POLR1C: variants seen among roughly 807,000 people sequenced by gnomAD.
The protein encoded by POLR1C is RNA polymerase I and III subunit C.
Under a neutral mutation model 38.3 loss-of-function variants are expected in POLR1C, and 42 were observed. The observed-to-expected ratio is 1.10, with a 90% confidence interval of 0.86 to 1.42. POLR1C has a LOEUF of 1.42. Ranked by LOEUF, POLR1C falls within the 40% of genes most tolerant of loss-of-function variation. The pLI is 0.00. For missense variants in POLR1C, 507 were observed against 450.5 expected (o/e 1.13, Z -1.14); for synonymous variants, 163 against 163.9 (o/e 0.99, Z 0.04).
In POLR1C at chr6:43,539,397, T is replaced by G; in HGVS notation, c.*4+10038T>G. 3.8e-6 allele frequency: 6 copies of G among 1,575,850 alleles called. No homozygotes were observed. The East Asian group carries it at 1.3e-4, about 35-fold the overall frequency. ...GGCATAATCTTCAAAACCTCATCCT[T>G]GAGAGAGGCCCCCAGGAAAAAGTCA... is the stretch of plus-strand genomic sequence containing the variant. On this transcript the variant is annotated intron_variant, in intron 9 of 10. Transcript: ENST00000607635.
chr6:43,521,712 G>C (rs935088036), downstream of POLR1C, among the ~76,000 whole-genome samples: 23 of 152,244 alleles, frequency 1.5e-4, no homozygotes, highest in African/African-American at 5.1e-4. Context: ...TGTATTTTTA[G>C]TAGAGACAGG....
At chr6:43,519,193 ATATT>A in intron 2 of POLR1C, 136 bp from the exon 3 acceptor site, 1 of 701,306 alleles carries the variant, frequency 1.4e-6, no homozygotes. Context: ...GCGAGATAGA[ATATT>A]TAATAAGAGA....
At chr6:43,517,214 T>TGAGAGCGGAAC in intron 1 of POLR1C, 36 bp downstream of exon 1, 1 of 1,612,164 alleles carries the variant, frequency 6.2e-7, no homozygotes. Flanking sequence ...GCGGGAGGAA[T>TGAGAGCGGAAC]GAGAGCGGAA....
chr6:43,548,250 A>T, intron 9 of POLR1C: 1 of 1,584,498 alleles, frequency 6.3e-7, no homozygotes, highest in South Asian at 1.1e-5. Flanking sequence ...AGGGCAAGGG[A>T]TCTCCTTTAC....
At chr6:43,558,790 G>A (rs1262553348) in intron 10 of POLR1C, 4 of 477,168 alleles carry the variant, frequency 8.4e-6, no homozygotes, top group Non-Finnish European at 1.5e-5. Context: ...TGGTAGAAAA[G>A]AGAATACTTT....
intron 9 of POLR1C, chr6:43,547,749 A>C: frequency 6.4e-7 from 1 of 1,572,994 alleles, no homozygotes; most frequent in East Asian, 2.2e-5. Flanking sequence ...TCATGACTTT[A>C]AACAAGGACA....
chr6:43,560,966 T>A, intron 10 of POLR1C: 2 of 1,613,956 alleles, frequency 1.2e-6, no homozygotes, highest in Non-Finnish European at 1.7e-6. Context: ...ATTCCAGGTA[T>A]TTTCCAAAGT....
At chr6:43,535,012 G>C (rs1403168856) in intron 9 of POLR1C, among the ~76,000 whole-genome samples, 1 of 148,272 alleles carries the variant, frequency 6.7e-6, no homozygotes, top group Admixed American at 6.7e-5. Flanking sequence ...CCCCCCAAAG[G>C]CCAGGCGCAG....
chr6:43,525,818 T>TCA, downstream of POLR1C: 1 of 1,613,248 alleles, frequency 6.2e-7, no homozygotes, highest in South Asian at 1.1e-5. Context: ...AGTAAAGGTA[T>TCA]CACCTGCTCC....
At position 43,539,569 on chromosome 6, in the gene POLR1C, GCCCCGGCCCGGTCCACGGCTGCGA is replaced by G. The variant is rs1021755794; in HGVS notation, c.*4+10220_*4+10243del. On this transcript the variant is annotated intron_variant, in intron 9 of 10. Transcript: ENST00000607635. ...TGCCTCCGCGAGCTCCGCGGCCTCA[GCCCCGGCCCGGTCCACGGCTGCGA>G]CCCCGGCCCCGGATGCCACTGGCGA... is the stretch of plus-strand genomic sequence containing the variant. 275 of 1,365,044 alleles carry G rather than the reference GCCCCGGCCCGGTCCACGGCTGCGA, an allele frequency of 2.0e-4. 3 individuals carry two copies. The highest frequency in any genetic ancestry group is 1.8e-4 in the Non-Finnish European group (179 of 975,002). The allele number at this position is 1,365,044 out of a possible 1,614,324, so 84.6% of individuals were successfully genotyped here.
chr6:43,547,335 C>A, intron 9 of POLR1C: 1 of 509,358 alleles, frequency 2.0e-6, no homozygotes, highest in South Asian at 1.8e-5. Context: ...CAAGTTCTGA[C>A]CTACTTCCTC....
chr6:43,553,404 A>T (rs780715795), intron 10 of POLR1C: 1 of 1,607,864 alleles, frequency 6.2e-7, no homozygotes, highest in East Asian at 2.2e-5. Flanking sequence ...CATCTGGGTG[A>T]TAACACTTTC....
intron 10 of POLR1C, chr6:43,558,704 G>T: frequency 2.6e-6 from 2 of 762,050 alleles, no homozygotes; most frequent in Non-Finnish European, 4.1e-6. Context: ...GCGTTTGCAT[G>T]AGATATTGTA....
chr6:43,520,477 G>A (rs1312125766), intron 6 of POLR1C, 50 bp downstream of exon 6: 1 of 1,609,750 alleles, frequency 6.2e-7, no homozygotes, highest in Non-Finnish European at 8.5e-7. Context: ...CGGTTGCAGT[G>A]GGGCAAGCTG....
intron 9 of POLR1C, among the ~76,000 whole-genome samples, chr6:43,542,608 T>C (rs954084687): frequency 1.3e-5 from 2 of 151,980 alleles, no homozygotes; most frequent in African/African-American, 4.8e-5. Context: ...GTATTTTGAG[T>C]AGAGACGGGG....
At chr6:43,520,252 C>G in intron 5 of POLR1C, 23 bp from the exon 6 acceptor site, 1 of 1,613,556 alleles carries the variant, frequency 6.2e-7, no homozygotes, top group Non-Finnish European at 8.5e-7. Context: ...GGACTGAGAT[C>G]TTCTGACATG....
At chr6:43,524,418 T>C (rs1793412353), downstream of POLR1C, 2 of 1,570,870 alleles carry the variant, frequency 1.3e-6, no homozygotes, top group Non-Finnish European at 1.7e-6. Context: ...GGTTTGCCCA[T>C]ACACATGATT....
chr6:43,546,415 T>G (rs1371257144), intron 9 of POLR1C, among the ~76,000 whole-genome samples: 6 of 152,170 alleles, frequency 3.9e-5, no homozygotes, highest in Admixed American at 3.9e-4. Flanking sequence ...CTGATGTTAT[T>G]TTTTTTAAAA....
chr6:43,531,497 G>A, downstream of POLR1C: 4 of 1,613,868 alleles, frequency 2.5e-6, no homozygotes, highest in Non-Finnish European at 3.4e-6. Flanking sequence ...ATAGAGGGTA[G>A]AGAAGAAACG....
Sources: gnomAD v4.1 joint callset for allele counts (sites outside exome capture counted in the v4.1 genomes callset) on GRCh38, gnomAD v4.1.1 for gene constraint, MANE v1.5 for transcripts, NCBI Gene and HGNC (gene_info 2026-07-23, HGNC 2026-07-21) for gene names.